CRACR2B: variants seen among roughly 807,000 people sequenced by gnomAD.
CRACR2B encodes the protein EF-hand calcium-binding domain-containing protein 4A.
CRACR2B carries 50 observed loss-of-function variants against 46.0 expected under a neutral mutation model. The observed-to-expected ratio is 1.09, with a 90% CI of 0.87 to 1.38. CRACR2B has a LOEUF of 1.38. CRACR2B is among the 40% of genes most tolerant of loss of function. CRACR2B has a pLI of 0.00. For missense variants in CRACR2B, 667 were observed against 535.0 expected (o/e 1.25, Z -2.43); for synonymous variants, 277 against 239.6 (o/e 1.16, Z -1.44).
At chr11:831,064 T>C (rs1210335915) in intron 7 of CRACR2B, 32 bp downstream of exon 7, 1 of 1,536,592 alleles carries the variant, frequency 6.5e-7, no homozygotes, top group Non-Finnish European at 8.7e-7. Flanking sequence ...CGGGCCCCGG[T>C]GCGTGTCCCG....
At chr11:826,850 A>G (rs1456631910), upstream of CRACR2B, among the ~76,000 whole-genome samples, 2 of 152,310 alleles carry the variant, frequency 1.3e-5, no homozygotes, top group East Asian at 3.9e-4. Flanking sequence ...GAAAGTATAG[A>G]GAAGAAAGTA....
chr11:830,326 C>A lies in CRACR2B; in HGVS notation c.682C>A (p.Pro228Thr). 1 of 1,535,134 alleles carries A rather than the reference C, an allele frequency of 6.5e-7. No individual in the cohort carries two copies. Among genetic ancestry groups the A allele is most frequent in the Non-Finnish European group, 8.7e-7 (1 of 1,144,574 alleles). Residue 228 changes from proline to threonine, a missense_variant, in exon 5 of 9, where the codon CCG (proline) becomes ACG (threonine). Transcript: ENST00000525077. ...TEQLREQSRR[P>T]PSQNFARGER... ...GCAGCTTCGGGAGCAGAGCCGGCGC[C>A]CGCCGAGTCAGGTGGGCCTCGGGCC... is the stretch of plus-strand genomic sequence containing the variant.
intron 3 of CRACR2B, chr11:829,770 C>G: frequency 9.4e-7 from 1 of 1,061,962 alleles, no homozygotes; most frequent in Non-Finnish European, 1.3e-6. Context: ...GCGCCGGGCG[C>G]GGGGCCACAT....
At chr11:830,163 T>A in intron 4 of CRACR2B, 31 bp downstream of exon 4, 1 of 1,514,906 alleles carries the variant, frequency 6.6e-7, no homozygotes. Flanking sequence ...TGGGGGCCAA[T>A]GGAGGGCCTC....
upstream of CRACR2B, chr11:827,643 C>G (rs1426401256): frequency 3.2e-6 from 2 of 625,238 alleles, no homozygotes; most frequent in Admixed American, 6.3e-5. Flanking sequence ...GAGGCAATGG[C>G]CCTGGCCTCT....
rs754738058 is a variant in CRACR2B at position 828,577 on chromosome 11, C to T, written c.-31C>T. On this transcript the variant is annotated 5_prime_UTR_variant, in exon 1 of 9. Coordinates refer to ENST00000525077, the MANE Select transcript of CRACR2B (RefSeq NM_001286606.2). Reference sequence around the variant, plus strand: ...CTGACCCTCCCTTGGCTTCACAGCACCTGAAGGCCAGGCTGAGGCCCCCTG... The same window carrying T: ...CTGACCCTCCCTTGGCTTCACAGCATCTGAAGGCCAGGCTGAGGCCCCCTG... 1.9e-6 allele frequency: 3 copies of T among 1,565,976 alleles called. No individual in the cohort carries two copies. In the Admixed American group the frequency reaches 6.5e-5, roughly 34 times the overall value.
At chr11:829,312 C>T (rs570965447) in intron 2 of CRACR2B, 48 bp from the exon 3 acceptor site, 23 of 1,553,006 alleles carry the variant, frequency 1.5e-5, no homozygotes, top group Admixed American at 1.1e-4. Context: ...GGGACACAGC[C>T]ACGGTGGCGA....
In CRACR2B at chr11:831,774, C is replaced by T. The variant is rs147115612; in HGVS notation, c.*65C>T. On this transcript the variant is annotated 3_prime_UTR_variant, in exon 9 of 9. Coordinates refer to ENST00000525077, the MANE Select transcript of CRACR2B (RefSeq NM_001286606.2). ...CCCTTGCAGGAGGCTTGTCATGGGT[C>T]GGGGGTGCCCACTCAGGATGCAGGC... is the stretch of plus-strand genomic sequence containing the variant. 108 of 1,446,130 alleles carry T rather than the reference C, an allele frequency of 7.5e-5. No individual in the cohort carries two copies. The East Asian group carries it at 2.7e-3, about 37-fold the overall frequency. The allele number at this position is 1,446,130 out of a possible 1,614,324, so 89.6% of individuals were successfully genotyped here.
intron 7 of CRACR2B, 53 bp from the exon 8 acceptor site, chr11:831,170 CG>C: frequency 1.2e-6 from 2 of 1,609,950 alleles, no homozygotes; most frequent in Non-Finnish European, 1.7e-6. Context: ...CTAGGGGGTC[CG>C]GGGGCTCCCC....
Position 831,191 on chromosome 11 carries a change from T to G in CRACR2B, c.954-33T>G, listed in dbSNP as rs376369663. Reference sequence around the variant, plus strand: ...GGTCCGGGGGCTCCCCAAGGAGCCTTCCTGCAGCCGGGTCACCACCTCCCA... The same window carrying G: ...GGTCCGGGGGCTCCCCAAGGAGCCTGCCTGCAGCCGGGTCACCACCTCCCA... On this transcript the variant is annotated intron_variant, in intron 7 of 8. Transcript: ENST00000525077. The G allele has an allele frequency of 1.4e-5, 22 of 1,610,774 alleles. No individual in the cohort carries two copies. In the African/African-American group the frequency reaches 2.9e-4, roughly 22 times the overall value.
rs1846301086 is a variant in CRACR2B, at chr11:830,351, C to T, written c.693+14C>T. The T allele has an allele frequency of 2.0e-6, 3 of 1,535,792 alleles. No individual in the cohort carries two copies. The highest frequency in any genetic ancestry group is 2.6e-6 in the Non-Finnish European group (3 of 1,145,808). ...CCGCCGAGTCAGGTGGGCCTCGGGC[C>T]CCGCCCCTCCCGCCAGGCCCAATCC... On this transcript the variant is annotated intron_variant, in intron 5 of 8. Coordinates refer to ENST00000525077, the MANE Select transcript of CRACR2B (RefSeq NM_001286606.2).
At position 828,485 on chromosome 11, in the gene CRACR2B, C is replaced by CA. The variant is rs1420870595; in HGVS notation, c.-122dup. 2.5e-6 allele frequency: 3 copies of CA among 1,219,536 alleles called. No individual in the cohort carries two copies. The highest frequency in any genetic ancestry group is 1.5e-5 in the African/African-American group (1 of 64,926). The allele number at this position is 1,219,536 out of a possible 1,614,324, so 75.5% of individuals were successfully genotyped here. A position where few individuals can be genotyped will look rare whatever the true frequency, so the allele number is the denominator to read the frequency against. On this transcript the variant is annotated 5_prime_UTR_variant, in exon 1 of 9. Coordinates refer to ENST00000525077, the MANE Select transcript of CRACR2B (RefSeq NM_001286606.2). The stretch of plus-strand genomic sequence containing the variant: ...CTTCCGCCCACCTTCCCACCTGCTG[C>CA]AGGGAGGGCCCTCGGCTGAGCCTTC...
chr11:827,877 G>T (rs1029632847), upstream of CRACR2B, among the ~76,000 whole-genome samples: 1 of 152,230 alleles, frequency 6.6e-6, no homozygotes, highest in African/African-American at 2.4e-5. Flanking sequence ...CAAGGAGGTG[G>T]GAAGGGAGGC....
At position 830,613 on chromosome 11, in the gene CRACR2B, C is replaced by T; in HGVS notation, c.694-8C>T. ...GGCGGAGGCTCAGTGGTCCTCCGTG[C>T]GTCCCAGAACTTCGCCCGCGGGGAG... is the stretch of plus-strand genomic sequence containing the variant. On this transcript the variant is annotated splice_region_variant and splice_polypyrimidine_tract_variant and intron_variant, in intron 5 of 8. Transcript: ENST00000525077. 1.3e-6 allele frequency: 2 copies of T among 1,549,236 alleles called. No homozygotes were observed. Among genetic ancestry groups the T allele is most frequent in the Non-Finnish European group, 8.7e-7 (1 of 1,146,736 alleles).
rs545012902 is a variant in CRACR2B at position 830,766 on chromosome 11, T to G, written c.786+53T>G. The G allele has an allele frequency of 4.4e-5, 66 of 1,488,510 alleles. No individual in the cohort carries two copies. The South Asian group carries it at 6.3e-4, about 14-fold the overall frequency. 92.2% of individuals were successfully genotyped at this position (1,488,510 alleles called of 1,614,324 possible). ...CACGGTCACCCGTGCACTCTCCCCC[T>G]GTGCCTTAGCGTCCCCGGGTTGTCG... On this transcript the variant is annotated intron_variant, in intron 6 of 8. Coordinates refer to ENST00000525077, the MANE Select transcript of CRACR2B (RefSeq NM_001286606.2).
In CRACR2B at chr11:831,038, G is replaced by T; in HGVS notation, c.953+6G>T. On this transcript the variant is annotated splice_donor_region_variant and intron_variant, in intron 7 of 8. Coordinates refer to ENST00000525077, the MANE Select transcript of CRACR2B (RefSeq NM_001286606.2). ...CGCCAGGAGCAAACCCAACGGTGCC[G>T]TGGGACGGGGCTGGGCGGGCCCCGG... The T allele has an allele frequency of 6.5e-7, 1 of 1,535,454 alleles. No homozygotes were observed. The highest frequency in any genetic ancestry group is 8.7e-7 in the Non-Finnish European group (1 of 1,146,510).
chr11:828,251 T>C lies in CRACR2B; in HGVS notation c.-357T>C. ...TCAGCTTTCAGGACCCCACCTTCCT[T>C]ATCACCAGGTCTTCTCCACTGGCCC... On this transcript the variant is annotated 5_prime_UTR_variant, in exon 1 of 9. Transcript: ENST00000525077. 1 of 258,868 alleles carries C rather than the reference T, an allele frequency of 3.9e-6. No individual in the cohort carries two copies. The highest frequency in any genetic ancestry group is 7.4e-6 in the Non-Finnish European group (1 of 135,316). The allele number at this position is 258,868 out of a possible 1,614,324, so 16.0% of individuals were successfully genotyped here.
chr11:828,443 C>T lies in CRACR2B; in HGVS notation c.-165C>T. 1 of 785,644 alleles carries T rather than the reference C, an allele frequency of 1.3e-6. No homozygotes were observed. The highest frequency in any genetic ancestry group is 1.9e-6 in the Non-Finnish European group (1 of 518,908). 48.7% of individuals were successfully genotyped at this position (785,644 alleles called of 1,614,324 possible). On this transcript the variant is annotated 5_prime_UTR_variant, in exon 1 of 9. Transcript: ENST00000525077. Reference sequence around the variant, plus strand: ...CCTGCAGCATTTTCCACCCCCAGCCCCCTGGTCCCACCTTGCCTTCCGCCC... The same window carrying T: ...CCTGCAGCATTTTCCACCCCCAGCCTCCTGGTCCCACCTTGCCTTCCGCCC...
Position 831,658 on chromosome 11 carries a change from C to G in CRACR2B, c.1149C>G (p.Cys383Trp). 1 of 1,541,714 alleles carries G rather than the reference C, an allele frequency of 6.5e-7. No individual in the cohort carries two copies. The highest frequency in any genetic ancestry group is 8.7e-7 in the Non-Finnish European group (1 of 1,149,940). ...GGCCCACCTGCTGCTGCTGCTGTTG[C>G]TGGGCTCGGCCCCCCAGACGCGGCT... ...LPGPTCCCCC[C>W]WARPPRRGSG... Residue 383 changes from cysteine to tryptophan, a missense_variant, in exon 9 of 9, where the codon TGC becomes TGG. Coordinates refer to ENST00000525077, the MANE Select transcript of CRACR2B (RefSeq NM_001286606.2).
Sources: allele counts gnomAD v4.1 joint callset (sites outside exome capture counted in the v4.1 genomes callset), GRCh38; gene constraint gnomAD v4.1.1; transcripts MANE v1.5; gene names NCBI Gene and HGNC (gene_info 2026-07-23, HGNC 2026-07-21).